MAPK3: variants seen among roughly 807,000 people sequenced by gnomAD.
The protein encoded by MAPK3 is mitogen-activated protein kinase 3, also known as MAPK 1.
MAPK3 carries 30 observed loss-of-function variants against 41.8 expected under a neutral mutation model. The observed-to-expected ratio is 0.72, with a 90% CI of 0.54 to 0.97. The LOEUF is 0.97. Among genes scored for constraint, MAPK3 ranks in the 50% least tolerant of loss-of-function variants. The pLI, the probability that MAPK3 is intolerant of heterozygous loss-of-function variation, is 0.00. For synonymous variants in MAPK3, 222 were observed against 213.4 expected (o/e 1.04, Z -0.35); for missense variants, 413 against 509.9 (o/e 0.81, Z 1.83).
intron 2 of MAPK3, among the ~76,000 whole-genome samples, chr16:30,120,682 CTTTTTT>C (rs34799400): frequency 5.3e-5 from 6 of 113,176 alleles, no homozygotes; most frequent in African/African-American, 1.0e-4. Context: ...GCTTCCTCAT[CTTTTTT>C]TTTTTTTTTT....
intron 2 of MAPK3, among the ~76,000 whole-genome samples, chr16:30,120,901 C>T (rs557956639): frequency 1.3e-5 from 2 of 151,872 alleles, no homozygotes; most frequent in South Asian, 4.2e-4. Flanking sequence ...CCAGGCTGGT[C>T]TTGAACTCCT....
intron 2 of MAPK3, among the ~76,000 whole-genome samples, chr16:30,119,712 A>G (rs886595319): frequency 3.9e-5 from 6 of 152,200 alleles, no homozygotes; most frequent in Admixed American, 2.6e-4. Context: ...CCAACAGCAC[A>G]CTCCCACTCA....
intron 1 of MAPK3, 34 bp downstream of exon 1, chr16:30,123,006 T>G: frequency 1.1e-4 from 120 of 1,120,986 alleles, no homozygotes; most frequent in East Asian, 5.9e-4. Context: ...CCCCCTCCCC[T>G]GAGGGCACCC....
chr16:30,122,249 C>T, intron 1 of MAPK3: 1 of 568,246 alleles, frequency 1.8e-6, no homozygotes, highest in East Asian at 3.0e-5. Context: ...TCACTGACTT[C>T]CCCTCTCCTC....
intron 1 of MAPK3, chr16:30,122,496 G>A (rs890788279): frequency 3.1e-5 from 6 of 192,568 alleles, no homozygotes; most frequent in Non-Finnish European, 4.4e-5. Context: ...CACACGGTGG[G>A]GCCGGGGGCA....
intron 6 of MAPK3, 71 bp downstream of exon 6, chr16:30,117,083 C>A (rs1046480761): frequency 5.0e-6 from 8 of 1,601,494 alleles, no homozygotes; most frequent in Non-Finnish European, 6.8e-6. Flanking sequence ...TCTCCTCCAG[C>A]GGCTGCTGGG....
chr16:30,115,681 G>T (rs1307556188), intron 8 of MAPK3: 1 of 152,136 alleles, frequency 6.6e-6, no homozygotes, highest in African/African-American at 2.4e-5. Flanking sequence ...GGGGCTGGAG[G>T]ATGCAAGGTG....
At position 30,121,965 on chromosome 16, in the gene MAPK3, T is replaced by C; in HGVS notation, c.212A>G (p.Lys71Arg). 6.2e-7 allele frequency: 1 copy of C among 1,614,160 alleles called. No homozygotes were observed. The highest frequency in any genetic ancestry group is 8.5e-7 in the Non-Finnish European group (1 of 1,180,036). Residue 71 changes from lysine to arginine, a missense_variant, in exon 2 of 9, where the codon AAG becomes AGG. Around this residue, in one of 4 missense-constraint regions of MAPK3, gnomAD observed 145 missense variants for 133.0 expected, o/e 1.09. Transcript: ENST00000263025. ...DHVRKTRVAI[K>R]KISPFEHQTY... The stretch of plus-strand genomic sequence containing the variant: ...CTGATGTTCGAAGGGGCTGATCTTC[T>C]TGATGGCCACGCGAGTCTTGCGCAC...
At chr16:30,122,945 G>C in intron 1 of MAPK3, 95 bp downstream of exon 1, 1 of 1,130,186 alleles carries the variant, frequency 8.8e-7, no homozygotes, top group Non-Finnish European at 1.2e-6. Flanking sequence ...GACGCTCCGC[G>C]TCTCCACGTC....
intron 5 of MAPK3, 63 bp from the exon 6 acceptor site, chr16:30,117,348 ACAAGG>A: frequency 6.4e-7 from 1 of 1,561,332 alleles, no homozygotes. Flanking sequence ...AGAATAGGCA[ACAAGG>A]CAAGAACAAG....
Position 30,116,740 on chromosome 16 carries a change from A to G in MAPK3, c.1068T>C (p.Pro356=). The part of the protein sequence containing the change: ...FTFAMELDDL[P]KERLKELIFQ... ...AGATGAGCTCCTTCAGCCGCTCCTTAGGTAGGTCATCCAGCTCCATGGCGA... is the reference window on the plus strand; with the variant it reads ...AGATGAGCTCCTTCAGCCGCTCCTTGGGTAGGTCATCCAGCTCCATGGCGA... The change falls in exon 8 of 9, where the codon CCT becomes CCC. Residue 356 remains proline, a synonymous_variant. Transcript: ENST00000263025. The G allele has an allele frequency of 1.2e-6, 2 of 1,613,806 alleles. No individual in the cohort carries two copies. The highest frequency in any genetic ancestry group is 1.7e-6 in the Non-Finnish European group (2 of 1,179,964).
chr16:30,118,526 C>G lies in MAPK3; in HGVS notation c.366G>C (p.Gln122His). 6.2e-7 allele frequency: 1 copy of G among 1,613,426 alleles called. No homozygotes were observed. Among genetic ancestry groups the G allele is most frequent in the Non-Finnish European group, 8.5e-7 (1 of 1,179,676 alleles). ...LEAMRDVYIVQDLMETDLYKL... is the reference protein window; with the variant it reads ...LEAMRDVYIVHDLMETDLYKL... ...TGTACAGGTCAGTCTCCATCAGGTC[C>G]TGCACAATGTAGCTGAGGATGGTTC... Residue 122 changes from glutamine (Q) to histidine (H), a missense_variant, in exon 3 of 9, where the codon CAG (glutamine) becomes CAC (histidine). Gln to His is a conservative substitution (Grantham distance 24). Coordinates refer to ENST00000263025, the MANE Select transcript of MAPK3 (RefSeq NM_002746.3).
At position 30,118,332 on chromosome 16, in the gene MAPK3, G is replaced by A; in HGVS notation, c.543+17C>T. Reference sequence around the variant, plus strand: ...CAGACCCTGGGGGAGGAGGGGACAGGTGCCCAACCCTCTGACCTTAAGGTC... The same window carrying A: ...CAGACCCTGGGGGAGGAGGGGACAGATGCCCAACCCTCTGACCTTAAGGTC... On this transcript the variant is annotated intron_variant, in intron 3 of 8. Coordinates refer to ENST00000263025, the MANE Select transcript of MAPK3 (RefSeq NM_002746.3). 4.4e-6 allele frequency: 7 copies of A among 1,606,486 alleles called. No individual in the cohort carries two copies. The highest frequency in any genetic ancestry group is 6.0e-6 in the Non-Finnish European group (7 of 1,175,842).
rs910963510 is a variant in MAPK3, at chr16:30,115,111, C to T, written c.*33-403G>A. On this transcript the variant is annotated intron_variant, in intron 8 of 8. Transcript: ENST00000263025. ...AAAAAATTAGCCGGTTGCAATGGCTCGTCCAGCTAGCTGGGAGGATCCCTT... is the reference window on the plus strand; with the variant it reads ...AAAAAATTAGCCGGTTGCAATGGCTTGTCCAGCTAGCTGGGAGGATCCCTT... 7.9e-5 allele frequency among the ~76,000 whole-genome samples: 12 copies of T among 151,922 alleles called. No individual in the cohort carries two copies. The South Asian group carries it at 8.3e-4, about 11-fold the overall frequency.
chr16:30,121,531 C>T (rs1196098464), intron 2 of MAPK3, among the ~76,000 whole-genome samples: 1 of 152,140 alleles, frequency 6.6e-6, no homozygotes, highest in East Asian at 1.9e-4. Context: ...TCAGAACTGC[C>T]GACGTCAGAA....
intron 2 of MAPK3, 33 bp from the exon 3 acceptor site, chr16:30,118,571 G>C (rs1254934287): frequency 1.3e-6 from 2 of 1,581,972 alleles, no homozygotes; most frequent in Non-Finnish European, 1.7e-6. Context: ...CCCCAGGCAG[G>C]GGGCAGTGGG....
In MAPK3 at chr16:30,122,014, G is replaced by T; in HGVS notation, c.171-8C>A. 1 of 1,613,808 alleles carries T rather than the reference G, an allele frequency of 6.2e-7. No individual in the cohort carries two copies. The highest frequency in any genetic ancestry group is 1.1e-5 in the South Asian group (1 of 91,060). On this transcript the variant is annotated splice_region_variant and splice_polypyrimidine_tract_variant and intron_variant, in intron 1 of 8. Transcript: ENST00000263025. ...ACGTGGTCATAGGCCGAGCTGAGGG[G>T]ACCGGAGAGAGGCTGCTGCTGTGGC...
At position 30,121,964 on chromosome 16, in the gene MAPK3, C is replaced by T; in HGVS notation, c.213G>A (p.Lys71=). The T allele has an allele frequency of 6.2e-7, 1 of 1,614,184 alleles. No homozygotes were observed. Among genetic ancestry groups the T allele is most frequent in the Non-Finnish European group, 8.5e-7 (1 of 1,180,042 alleles). The change falls in exon 2 of 9, where the codon AAG becomes AAA. Residue 71 remains lysine, a synonymous_variant. Coordinates refer to ENST00000263025, the MANE Select transcript of MAPK3 (RefSeq NM_002746.3). ...DHVRKTRVAI[K]KISPFEHQTY... The stretch of plus-strand genomic sequence containing the variant: ...TCTGATGTTCGAAGGGGCTGATCTT[C>T]TTGATGGCCACGCGAGTCTTGCGCA...
rs1334278371 is a variant in MAPK3, at chr16:30,123,123, C to T, written c.87G>A (p.Glu29=). The part of the protein sequence containing the change: ...GVGPGVPGEV[E]MVKGQPFDVG... ...CGTCGAACGGCTGCCCCTTCACCAT[C>T]TCCACCTCCCCCGGGACCCCCGGGC... is the stretch of plus-strand genomic sequence containing the variant. The change falls in exon 1 of 9, where the codon GAG becomes GAA. Residue 29 remains glutamate (E), a synonymous_variant. Coordinates refer to ENST00000263025, the MANE Select transcript of MAPK3 (RefSeq NM_002746.3). 6.4e-7 allele frequency: 1 copy of T among 1,565,800 alleles called. No homozygotes were observed. Among genetic ancestry groups the T allele is most frequent in the Non-Finnish European group, 8.6e-7 (1 of 1,157,370 alleles).
Sources: gnomAD v4.1 joint callset for allele counts (sites outside exome capture counted in the v4.1 genomes callset) on GRCh38, gnomAD v4.1.1 for gene constraint, gnomAD v4.1.1 regional missense constraint, MANE v1.5 for transcripts, NCBI Gene and HGNC (gene_info 2026-07-23, HGNC 2026-07-21) for gene names.